CNTNAP4: variants seen among roughly 807,000 people sequenced by gnomAD.
The protein encoded by CNTNAP4 is contactin associated protein family member 4.
A neutral mutation model predicts 148.4 loss-of-function variants in CNTNAP4; 98 were observed. The observed-to-expected ratio is 0.66, with a 90% CI of 0.56 to 0.78. CNTNAP4 has a LOEUF of 0.78. Among genes scored for constraint, CNTNAP4 ranks in the 30% least tolerant of loss-of-function variants. The pLI is 0.00. For missense variants in CNTNAP4, 1,935 were observed against 1,565.6 expected, an observed-to-expected ratio of 1.24 and a Z score of -3.98; for synonymous variants, 730 against 565.1, an observed-to-expected ratio of 1.29 and a Z score of -4.14.
At position 76,539,755 on chromosome 16, in the gene CNTNAP4, A is replaced by G. The variant is rs929474949; in HGVS notation, c.3257A>G (p.Gln1086Arg). The change falls in exon 20 of 24, where the codon CAA becomes CGA. Residue 1086 changes from glutamine to arginine, a missense_variant. Gln to Arg is a conservative substitution (Grantham distance 43). Transcript: ENST00000611870. ...LQIRYKLNKY[Q>R]EPDVVNFDFK... Reference sequence around the variant, plus strand: ...ATCAGGTACAAGTTAAATAAATATCAAGAGCCTGATGTTGTTAACTTTGAT... The same window carrying G: ...ATCAGGTACAAGTTAAATAAATATCGAGAGCCTGATGTTGTTAACTTTGAT... 3 of 1,601,238 alleles carry G rather than the reference A, an allele frequency of 1.9e-6. No homozygotes were observed. The highest frequency in any genetic ancestry group is 2.6e-6 in the Non-Finnish European group (3 of 1,174,126).
chr16:76,443,589 CA>C (rs893027745), intron 4 of CNTNAP4, among the ~76,000 whole-genome samples: 10 of 150,550 alleles, frequency 6.6e-5, no homozygotes, highest in African/African-American at 2.5e-4. Context: ...AGACCCTGTC[CA>C]AAAAAAATAT....
intron 9 of CNTNAP4, among the ~76,000 whole-genome samples, chr16:76,463,682 A>G (rs2081069638): frequency 6.6e-6 from 1 of 152,078 alleles, no homozygotes; most frequent in Admixed American, 6.6e-5. Flanking sequence ...ATAACTAACA[A>G]TTTTTCTTAA....
intron 1 of CNTNAP4, among the ~76,000 whole-genome samples, chr16:76,290,278 A>G (rs1225131288): frequency 1.3e-5 from 2 of 152,194 alleles, no homozygotes; most frequent in Non-Finnish European, 2.9e-5. Context: ...GAAAGTGCCC[A>G]TCTTCTCCCT....
Position 76,485,739 on chromosome 16 carries a change from A to C in CNTNAP4, c.1883-3947A>C, listed in dbSNP as rs146470810. 1.1e-3 allele frequency among the ~76,000 whole-genome samples: 167 copies of C among 152,296 alleles called. 2 individuals are homozygous for C. In the East Asian group the frequency reaches 0.028, roughly 26 times the overall value. On this transcript the variant is annotated intron_variant, in intron 12 of 23. Transcript: ENST00000611870. ...TTTCAGGAGAAAGCTGGAGAGCATA[A>C]GACTTACAATAGCATAATTATTTTT... is the stretch of plus-strand genomic sequence containing the variant.
intron 21 of CNTNAP4, among the ~76,000 whole-genome samples, chr16:76,550,828 T>C (rs1489958471): frequency 1.3e-5 from 2 of 152,176 alleles, no homozygotes; most frequent in Non-Finnish European, 2.9e-5. Flanking sequence ...AATGACGTTA[T>C]GCTGGATGTT....
intron 3 of CNTNAP4, among the ~76,000 whole-genome samples, chr16:76,403,124 G>T (rs542770125): frequency 1.4e-5 from 2 of 147,914 alleles, no homozygotes; most frequent in Non-Finnish European, 3.0e-5. Context: ...ACGAAGTCTC[G>T]CTCTGTCTCC....
intron 14 of CNTNAP4, among the ~76,000 whole-genome samples, chr16:76,496,085 T>TTTGTGTG (rs142841223): frequency 1.4e-4 from 20 of 140,164 alleles, no homozygotes; most frequent in East Asian, 6.3e-4. Context: ...CAAGATTATG[T>TTTGTGTG]TGTGTGTGTG....
intron 1 of CNTNAP4, among the ~76,000 whole-genome samples, chr16:76,314,633 G>A (rs929103978): frequency 6.6e-6 from 1 of 152,206 alleles, no homozygotes; most frequent in East Asian, 1.9e-4. Flanking sequence ...ACACGCCCAA[G>A]TCTGGGTCTG....
At chr16:76,373,618 A>C (rs917470149) in intron 3 of CNTNAP4, among the ~76,000 whole-genome samples, 1 of 152,138 alleles carries the variant, frequency 6.6e-6, no homozygotes, top group African/African-American at 2.4e-5. Context: ...GGACAGGCGC[A>C]GTGGCTCATC....
At chr16:76,524,070 TA>T (rs1597057063) in intron 17 of CNTNAP4, among the ~76,000 whole-genome samples, 2 of 152,230 alleles carry the variant, frequency 1.3e-5, no homozygotes, top group East Asian at 3.8e-4. Context: ...GGATGAAGCA[TA>T]TTTTTAACAT....
rs1958863285 is a variant in CNTNAP4 at position 76,285,943 on chromosome 16, C to T, written c.85+8196C>T. Among the ~76,000 whole-genome samples, 4 of 151,542 alleles carry T rather than the reference C, an allele frequency of 2.6e-5. 1 individual carries two copies. The highest frequency in any genetic ancestry group is 6.6e-5 in the Admixed American group (1 of 15,162). ...AGCAATTGCCTTTGCTATACCAGGC[C>T]CAATAGAGGGATTTCTTGGAAAATC... On this transcript the variant is annotated intron_variant, in intron 1 of 23. Coordinates refer to ENST00000611870, the MANE Select transcript of CNTNAP4 (RefSeq NM_033401.5).
intron 15 of CNTNAP4, among the ~76,000 whole-genome samples, chr16:76,503,267 TA>T (rs2082720849): frequency 6.6e-6 from 1 of 152,136 alleles, no homozygotes; most frequent in Non-Finnish European, 1.5e-5. Flanking sequence ...GCACATGTAA[TA>T]AGTCAAGGAG....
intron 17 of CNTNAP4, among the ~76,000 whole-genome samples, chr16:76,532,137 C>T (rs548347980): frequency 5.9e-5 from 9 of 152,276 alleles, no homozygotes; most frequent in Non-Finnish European, 2.9e-5. Context: ...TTCATACCTT[C>T]AGTGCCCAGA....
At chr16:76,470,018 C>T (rs2081308698) in intron 10 of CNTNAP4, among the ~76,000 whole-genome samples, 1 of 152,044 alleles carries the variant, frequency 6.6e-6, no homozygotes, top group Non-Finnish European at 1.5e-5. Flanking sequence ...ATCTGTGTAC[C>T]AGGCCTTATG....
Position 76,521,276 on chromosome 16 carries a change from G to T in CNTNAP4, c.2502G>T (p.Leu834Phe). 1 of 1,612,106 alleles carries T rather than the reference G, an allele frequency of 6.2e-7. No individual in the cohort carries two copies. Among genetic ancestry groups the T allele is most frequent in the South Asian group, 1.1e-5 (1 of 90,728 alleles). Residue 834 changes from leucine to phenylalanine, a missense_variant, in exon 16 of 24, where the codon TTG becomes TTT. Transcript: ENST00000611870. ...CATCTGGGGTATTTTTAGAGAACTTGGGGATTGCTGATTTTATACGGATAG... is the reference window on the plus strand; with the variant it reads ...CATCTGGGGTATTTTTAGAGAACTTTGGGATTGCTGATTTTATACGGATAG... ...TASSGVFLEN[L>F]GIADFIRIEL...
chr16:76,324,609 G>A (rs971762232), intron 2 of CNTNAP4, among the ~76,000 whole-genome samples: 1 of 152,182 alleles, frequency 6.6e-6, no homozygotes, highest in Non-Finnish European at 1.5e-5. Context: ...CTTACCTCAA[G>A]GTGACGGTAG....
In CNTNAP4 at chr16:76,558,781, A is replaced by G. The variant is rs2085302115; in HGVS notation, c.*98A>G. 2 of 930,558 alleles carry G rather than the reference A, an allele frequency of 2.1e-6. No homozygotes were observed. The highest frequency in any genetic ancestry group is 2.0e-5 in the South Asian group (1 of 50,898). 57.6% of individuals were successfully genotyped at this position (930,558 alleles called of 1,614,324 possible). A position where few individuals can be genotyped will look rare whatever the true frequency, so the allele number is the denominator to read the frequency against. ...ATGCTCTTACACTGAATGTACAGGC[A>G]GTGGGCTTGCAGCACTGCCATCTTG... On this transcript the variant is annotated 3_prime_UTR_variant, in exon 24 of 24. Transcript: ENST00000611870.
At chr16:76,336,504 T>A (rs1481552054) in intron 2 of CNTNAP4, among the ~76,000 whole-genome samples, 1 of 152,208 alleles carries the variant, frequency 6.6e-6, no homozygotes, top group Non-Finnish European at 1.5e-5. Context: ...TTATCACTCA[T>A]GAGCCAAAAT....
At chr16:76,290,529 C>A (rs968374614) in intron 1 of CNTNAP4, among the ~76,000 whole-genome samples, 1 of 152,160 alleles carries the variant, frequency 6.6e-6, no homozygotes, top group Middle Eastern at 3.2e-3. Context: ...TGTACACTGT[C>A]CTGCTTGCTT....
Sources: gnomAD v4.1 joint callset for allele counts (sites outside exome capture counted in the v4.1 genomes callset) on GRCh38, gnomAD v4.1.1 for gene constraint, MANE v1.5 for transcripts, NCBI Gene and HGNC (gene_info 2026-07-23, HGNC 2026-07-21) for gene names.